Variants in GALNT15 observed in about 807,000 individuals in gnomAD.
GALNT15 encodes the protein polypeptide N-acetylgalactosaminyltransferase 15, also known as UDP-GalNAc transferase T15.
Under a neutral mutation model 66.8 loss-of-function variants are expected in GALNT15, and 67 were observed. That is an observed-to-expected ratio of 1.00 (90% confidence interval 0.82 to 1.23). GALNT15 has a LOEUF of 1.23. GALNT15 is among the 50% of genes most tolerant of loss of function. The pLI, the probability that GALNT15 is intolerant of heterozygous loss-of-function variation, is 0.00. For missense variants in GALNT15, 827 were observed against 804.3 expected (o/e 1.03, Z -0.34); for synonymous variants, 313 against 311.5 (o/e 1.00, Z -0.05).
chr3:16,202,801 C>G (rs1276131035), intron 3 of GALNT15, among the ~76,000 whole-genome samples: 1 of 152,200 alleles, frequency 6.6e-6, no homozygotes, highest in Non-Finnish European at 1.5e-5. Context: ...ACAGGTGGCT[C>G]TCAGAGGGAC....
At chr3:16,214,558 A>G (rs1257206928) in intron 6 of GALNT15, among the ~76,000 whole-genome samples, 1 of 152,116 alleles carries the variant, frequency 6.6e-6, no homozygotes, top group African/African-American at 2.4e-5. Context: ...CTAATGGTCA[A>G]AAAAGGTCAA....
rs141964712 is a variant in GALNT15 at position 16,195,369 on chromosome 3, G to T, written c.540-391G>T. On this transcript the variant is annotated intron_variant, in intron 1 of 9. Transcript: ENST00000339732. This position sits in a 1 kb window ranked among gnomAD's most constrained non-coding sequence, Gnocchi z 4.6. ...CCATCTCCAGAAACTCTGGGGGTGG[G>T]CCCTGCAGTCAGTATTTTAAAAATC... is the stretch of plus-strand genomic sequence containing the variant. 1.9e-3 allele frequency among the ~76,000 whole-genome samples: 294 copies of T among 152,302 alleles called. 2 individuals carry two copies. The highest frequency in any genetic ancestry group is 0.014 in the Middle Eastern group (4 of 294).
chr3:16,184,872 G>T lies in GALNT15; in HGVS notation c.539+9182G>T, dbSNP rs553383076. Among the ~76,000 whole-genome samples, 1 of 152,286 alleles carries T rather than the reference G, an allele frequency of 6.6e-6. No homozygotes were observed. Among genetic ancestry groups the T allele is most frequent in the South Asian group, 2.1e-4 (1 of 4,832 alleles). ...CTGCCCTTAGGGGTGAGGGTGCTGG[G>T]TGTTTAATAAACCAACTCTTTTCAA... On this transcript the variant is annotated intron_variant, in intron 1 of 9. Coordinates refer to ENST00000339732, the MANE Select transcript of GALNT15 (RefSeq NM_054110.5). The surrounding 1 kb of genome is among the most constrained non-coding windows in gnomAD (Gnocchi z 5.0).
chr3:16,235,148 C>T (rs1464039388), downstream of GALNT15, among the ~76,000 whole-genome samples: 1 of 152,132 alleles, frequency 6.6e-6, no homozygotes, highest in Non-Finnish European at 1.5e-5. Flanking sequence ...TGGTCTCGAT[C>T]TCCTGACCTC....
chr3:16,200,993 A>T lies in GALNT15; in HGVS notation c.911+170A>T, dbSNP rs2063694760. Among the ~76,000 whole-genome samples, 1 of 151,720 alleles carries T rather than the reference A, an allele frequency of 6.6e-6. No homozygotes were observed. Among genetic ancestry groups the T allele is most frequent in the African/African-American group, 2.4e-5 (1 of 41,076 alleles). On this transcript the variant is annotated intron_variant, in intron 3 of 9. Transcript: ENST00000339732. The surrounding 1 kb of genome is among the most constrained non-coding windows in gnomAD (Gnocchi z 4.4). ...AAGTTTTTTAAGACTATAGAGTTAGAGTTGGAAAGGAGGTTAGAGGTCTTC... is the reference window on the plus strand; with the variant it reads ...AAGTTTTTTAAGACTATAGAGTTAGTGTTGGAAAGGAGGTTAGAGGTCTTC...
the GALNT15 span, among the ~76,000 whole-genome samples, chr3:16,241,385 T>C: frequency 3.9e-5 from 6 of 152,172 alleles, no homozygotes; most frequent in Admixed American, 2.0e-4. This position sits in a 1 kb window ranked among gnomAD's most constrained non-coding sequence, Gnocchi z 4.6. Context: ...GAGGTCTTAT[T>C]TGAGGTCAAA....
chr3:16,176,626 C>A lies in GALNT15; in HGVS notation c.539+936C>A, dbSNP rs2063412687. Among the ~76,000 whole-genome samples the A allele has an allele frequency of 6.6e-6, 1 of 152,224 alleles. No homozygotes were observed. The highest frequency in any genetic ancestry group is 6.5e-5 in the Admixed American group (1 of 15,278). The stretch of plus-strand genomic sequence containing the variant: ...CCCTGCTCCCTTACTGTCACCATGG[C>A]TGACCACTGAGGAGGGAGCCTTGGT... On this transcript the variant is annotated intron_variant, in intron 1 of 9. Coordinates refer to ENST00000339732, the MANE Select transcript of GALNT15 (RefSeq NM_054110.5). The surrounding 1 kb of genome is among the most constrained non-coding windows in gnomAD (Gnocchi z 5.6).
At position 16,211,059 on chromosome 3, in the gene GALNT15, C is replaced by T; in HGVS notation, c.1080-65C>T. 8.1e-7 allele frequency: 1 copy of T among 1,230,800 alleles called. No homozygotes were observed. Among genetic ancestry groups the T allele is most frequent in the Non-Finnish European group, 1.2e-6 (1 of 835,708 alleles). The allele number at this position is 1,230,800 out of a possible 1,614,324, so 76.2% of individuals were successfully genotyped here. On this transcript the variant is annotated intron_variant, in intron 4 of 9. Transcript: ENST00000339732. The surrounding 1 kb of genome is among the most constrained non-coding windows in gnomAD (Gnocchi z 4.3). ...GAGCTCCCACCTGGGAAGCCCCAGC[C>T]CCCAGCCTCGCCTGCTGTGCTCTGG...
At chr3:16,233,094 C>CTTTTTTTTTTTT (rs61516679), downstream of GALNT15, among the ~76,000 whole-genome samples, 85 of 61,188 alleles carry the variant, frequency 1.4e-3, 18 homozygotes, top group African/African-American at 2.7e-3. Flanking sequence ...GATAATGCAT[C>CTTTTTTTTTTTT]TTTTTTTTTT....
At position 16,227,430 on chromosome 3, in the gene GALNT15, T is replaced by A; in HGVS notation, c.1850T>A (p.Leu617Gln). 2 of 1,614,150 alleles carry A rather than the reference T, an allele frequency of 1.2e-6. No homozygotes were observed. The highest frequency in any genetic ancestry group is 1.7e-6 in the Non-Finnish European group (2 of 1,179,980). The change falls in exon 10 of 10, where the codon CTG becomes CAG. Residue 617 changes from leucine (L) to glutamine (Q), a missense_variant. Transcript: ENST00000339732. This position sits in a 1 kb window ranked among gnomAD's most constrained non-coding sequence, Gnocchi z 4.5. ...VVQENNKDLY[L>Q]RPCDGKARQQ... ...CAAGAAAACAATAAAGATTTGTACC[T>A]GCGTCCGTGTGATGGAAAAGCCCGC...
At chr3:16,246,728 T>C in the GALNT15 span, among the ~76,000 whole-genome samples, 3 of 152,226 alleles carry the variant, frequency 2.0e-5, no homozygotes, top group African/African-American at 7.2e-5. Context: ...TATATAGGAA[T>C]ACTCTTCTAA....
chr3:16,191,363 G>A lies in GALNT15; in HGVS notation c.540-4397G>A, dbSNP rs906514184. 20 of 981,360 alleles carry A rather than the reference G, an allele frequency of 2.0e-5. No individual in the cohort carries two copies. The highest frequency in any genetic ancestry group is 1.6e-4 in the African/African-American group (9 of 57,174). 60.8% of individuals were successfully genotyped at this position (981,360 alleles called of 1,614,324 possible). ...ACATCTGTTAATAATGGCAGCAAAC[G>A]CATGGTGCTCACTCTGTGCCACCCA... On this transcript the variant is annotated intron_variant, in intron 1 of 9. Transcript: ENST00000339732. This position sits in a 1 kb window ranked among gnomAD's most constrained non-coding sequence, Gnocchi z 5.2.
chr3:16,223,421 T>A (rs2063969595), intron 9 of GALNT15, among the ~76,000 whole-genome samples: 1 of 152,164 alleles, frequency 6.6e-6, no homozygotes. Context: ...TACTTCAAAT[T>A]CTTCCTGAAA....
rs772373610 is a variant in GALNT15, at chr3:16,227,529, T to C, written c.*29T>C. 3.2e-5 allele frequency: 51 copies of C among 1,614,008 alleles called. No individual in the cohort carries two copies. In the East Asian group the frequency reaches 1.1e-3, roughly 35 times the overall value. On this transcript the variant is annotated 3_prime_UTR_variant, in exon 10 of 10. Transcript: ENST00000339732. The surrounding 1 kb of genome is among the most constrained non-coding windows in gnomAD (Gnocchi z 4.5). ...TCAATGTCAGAAGGAAAAGAGAATT[T>C]TGGCCATCAAAATCCAGCTCCAAGT...
rs1200282011 is a variant in GALNT15, at chr3:16,203,633, T to C, written c.911+2810T>C. On this transcript the variant is annotated intron_variant, in intron 3 of 9. Coordinates refer to ENST00000339732, the MANE Select transcript of GALNT15 (RefSeq NM_054110.5). The surrounding 1 kb of genome is among the most constrained non-coding windows in gnomAD (Gnocchi z 6.2). ...TGTGTTACTGGCTTGCCTTCCTCTTTGGGTTCCATCTCTTCTGCGTGATGT... is the reference window on the plus strand; with the variant it reads ...TGTGTTACTGGCTTGCCTTCCTCTTCGGGTTCCATCTCTTCTGCGTGATGT... Among the ~76,000 whole-genome samples the C allele has an allele frequency of 6.6e-6, 1 of 151,592 alleles. No homozygotes were observed. Among genetic ancestry groups the C allele is most frequent in the Non-Finnish European group, 1.5e-5 (1 of 67,916 alleles).
intron 1 of GALNT15, among the ~76,000 whole-genome samples, chr3:16,192,973 A>G (rs2063595321): frequency 6.6e-6 from 1 of 152,250 alleles, no homozygotes; most frequent in African/African-American, 2.4e-5. Flanking sequence ...TATTTGAGTT[A>G]ACAGTATTGA....
In GALNT15 at chr3:16,188,908, G is replaced by C. The variant is rs2063546345; in HGVS notation, c.540-6852G>C. ...CCTCTCTCTCCAAGGTCCTCATGAT[G>C]ACATGAGGAGCCCAGGGTTCCCAAA... is the stretch of plus-strand genomic sequence containing the variant. On this transcript the variant is annotated intron_variant, in intron 1 of 9. Transcript: ENST00000339732. This position sits in a 1 kb window ranked among gnomAD's most constrained non-coding sequence, Gnocchi z 4.6. 6.6e-6 allele frequency among the ~76,000 whole-genome samples: 1 copy of C among 152,006 alleles called. No individual in the cohort carries two copies. Among genetic ancestry groups the C allele is most frequent in the South Asian group, 2.1e-4 (1 of 4,806 alleles).
In GALNT15 at chr3:16,219,778, C is replaced by T. The variant is rs1574996207; in HGVS notation, c.1525-132C>T. The T allele has an allele frequency of 5.6e-6, 5 of 897,396 alleles. No homozygotes were observed. The highest frequency in any genetic ancestry group is 2.9e-5 in the South Asian group (2 of 68,188). 55.6% of individuals were successfully genotyped at this position (897,396 alleles called of 1,614,324 possible). A position where few individuals can be genotyped will look rare whatever the true frequency, so the allele number is the denominator to read the frequency against. On this transcript the variant is annotated intron_variant, in intron 7 of 9. Coordinates refer to ENST00000339732, the MANE Select transcript of GALNT15 (RefSeq NM_054110.5). This position sits in a 1 kb window ranked among gnomAD's most constrained non-coding sequence, Gnocchi z 4.3. ...AGGGTCAGTGGCTTCAGCTTTACCA[C>T]ACCTGTTGTTGTGGCCTGAACAATG...
intron 1 of GALNT15, among the ~76,000 whole-genome samples, chr3:16,185,853 G>A (rs913542189): frequency 2.0e-5 from 3 of 152,154 alleles, no homozygotes; most frequent in Non-Finnish European, 2.9e-5. Flanking sequence ...GGTCATTTAA[G>A]CTCTCTGGGC....
Sources: gnomAD v4.1 joint callset for allele counts (sites outside exome capture counted in the v4.1 genomes callset) on GRCh38, gnomAD v4.1.1 for gene constraint, Gnocchi (gnomAD v3.1) non-coding constraint, MANE v1.5 for transcripts, NCBI Gene and HGNC (gene_info 2026-07-23, HGNC 2026-07-21) for gene names.